Variants in LIFR observed in about 807,000 individuals in gnomAD.
LIFR encodes leukemia inhibitory factor receptor.
A neutral mutation model predicts 122.2 loss-of-function variants in LIFR; 84 were observed. The observed-to-expected ratio is 0.69, with a 90% confidence interval of 0.58 to 0.82. The LOEUF is 0.82. LIFR is among the 40% of genes least tolerant of loss of function. The probability of loss-of-function intolerance (pLI) is 0.00; values close to 1 mark genes in which losing one functional copy is unlikely to be tolerated. For missense variants in LIFR, 1,294 were observed against 1,311.6 expected (o/e 0.99, Z 0.21); for synonymous variants, 422 against 434.7 (o/e 0.97, Z 0.36).
At chr5:38,537,994 T>C (rs1407001263) in intron 1 of LIFR, among the ~76,000 whole-genome samples, 2 of 152,210 alleles carry the variant, frequency 1.3e-5, no homozygotes, top group Non-Finnish European at 1.5e-5. Context: ...GTTTTTCTCA[T>C]GCCGGGACTA....
intron 1 of LIFR, among the ~76,000 whole-genome samples, chr5:38,566,489 A>G (rs1247214455): frequency 6.6e-6 from 1 of 152,206 alleles, no homozygotes; most frequent in Non-Finnish European, 1.5e-5. Context: ...TTTTGTATTA[A>G]TATCTCTATA....
chr5:38,578,207 C>CTTTTTTTTTTTT (rs3079294), intron 1 of LIFR, among the ~76,000 whole-genome samples: 1 of 123,458 alleles, frequency 8.1e-6, no homozygotes, highest in Non-Finnish European at 1.6e-5. Context: ...TTTTCTTTTT[C>CTTTTTTTTTTTT]TTTTTTTTTT....
At chr5:38,608,297 C>G (rs534450323) in exon 1 of LIFR, 3 of 152,106 alleles carry the variant, frequency 2.0e-5, no homozygotes, top group Admixed American at 2.0e-4. Flanking sequence ...TTATTTTCTT[C>G]TATTTGCTTT....
intron 1 of LIFR, among the ~76,000 whole-genome samples, chr5:38,574,990 A>G (rs1225340651): frequency 6.6e-6 from 1 of 152,214 alleles, no homozygotes; most frequent in Non-Finnish European, 1.5e-5. Context: ...ACCAAAAGGC[A>G]TGCACTGAAA....
At chr5:38,497,918 T>C (rs892869595) in intron 12 of LIFR, among the ~76,000 whole-genome samples, 1 of 152,208 alleles carries the variant, frequency 6.6e-6, no homozygotes, top group Admixed American at 6.5e-5. Context: ...AAAACAAATA[T>C]TTTGGTGAAC....
intron 18 of LIFR, among the ~76,000 whole-genome samples, chr5:38,484,132 TG>T (rs1434104194): frequency 6.6e-6 from 1 of 152,356 alleles, no homozygotes; most frequent in East Asian, 1.9e-4. Context: ...CCTTACCCTT[TG>T]GAACTGTACC....
At chr5:38,517,969 A>C (rs543904269) in intron 5 of LIFR, among the ~76,000 whole-genome samples, 3 of 150,300 alleles carry the variant, frequency 2.0e-5, no homozygotes, top group South Asian at 4.2e-4. Context: ...ACAAAAAAAA[A>C]CAGCTGGGCA....
chr5:38,581,686 A>G (rs1364320268), intron 1 of LIFR, among the ~76,000 whole-genome samples: 2 of 152,214 alleles, frequency 1.3e-5, no homozygotes, highest in Admixed American at 6.5e-5. Context: ...GAGAAGAGTA[A>G]TACTGGAATG....
chr5:38,605,018 A>G (rs1478079375), intron 2 of LIFR, among the ~76,000 whole-genome samples: 1 of 152,134 alleles, frequency 6.6e-6, no homozygotes, highest in African/African-American at 2.4e-5. Flanking sequence ...GGGTTATGAT[A>G]AGGGGTTGTG....
At chr5:38,556,748 A>G (rs940729904), upstream of LIFR, 1 of 115,722 alleles carries the variant, frequency 8.6e-6, no homozygotes, top group African/African-American at 3.2e-5. Flanking sequence ...CCCCGCCCCA[A>G]CCCGCGCGCC....
rs1743688161 is a variant in LIFR, at chr5:38,475,604, TACTC to T, written c.*5987_*5990del. ...AAAACTTAAAATATTTAACATATAA[TACTC>T]ACTTTAAAAAAACATTCATTCTACA... On this transcript the variant is annotated 3_prime_UTR_variant, in exon 20 of 20. Coordinates refer to ENST00000453190, the MANE Select transcript of LIFR (RefSeq NM_001127671.2). 2 of 186,456 alleles carry T rather than the reference TACTC, an allele frequency of 1.1e-5. No individual in the cohort carries two copies. The highest frequency in any genetic ancestry group is 4.7e-5 in the African/African-American group (2 of 42,744). The allele number at this position is 186,456 out of a possible 1,614,324, so 11.6% of individuals were successfully genotyped here.
intron 1 of LIFR, among the ~76,000 whole-genome samples, chr5:38,553,650 A>AT (rs1554027620): frequency 4.0e-5 from 4 of 100,198 alleles, no homozygotes; most frequent in Admixed American, 9.8e-5. Flanking sequence ...ATATATATAT[A>AT]TATATATATA....
At chr5:38,588,704 T>A (rs951957168) in intron 1 of LIFR, among the ~76,000 whole-genome samples, 1 of 152,206 alleles carries the variant, frequency 6.6e-6, no homozygotes, top group Non-Finnish European at 1.5e-5. Context: ...TATGGATTAA[T>A]CAAGCACATC....
At chr5:38,606,924 A>G (rs1750341336) in intron 1 of LIFR, among the ~76,000 whole-genome samples, 1 of 152,204 alleles carries the variant, frequency 6.6e-6, no homozygotes, top group Non-Finnish European at 1.5e-5. Flanking sequence ...TGTGTTCAGA[A>G]TTAATTAGTA....
At chr5:38,507,995 C>T (rs536266902) in intron 7 of LIFR, among the ~76,000 whole-genome samples, 53 of 152,136 alleles carry the variant, frequency 3.5e-4, no homozygotes, top group African/African-American at 1.3e-3. Flanking sequence ...AATATTCAGT[C>T]ACTCTATTAA....
In LIFR at chr5:38,479,359, G is replaced by A. The variant is rs1032065943; in HGVS notation, c.*2236C>T. 1 of 230,764 alleles carries A rather than the reference G, an allele frequency of 4.3e-6. No individual in the cohort carries two copies. Among genetic ancestry groups the A allele is most frequent in the East Asian group, 6.1e-5 (1 of 16,292 alleles). 14.3% of individuals were successfully genotyped at this position (230,764 alleles called of 1,614,324 possible). On this transcript the variant is annotated 3_prime_UTR_variant, in exon 20 of 20. Transcript: ENST00000453190. ...GTAGGGGAAAGGTGAGTGATATTCT[G>A]CACTTTTTTCATACAGAAAAAAACA...
intron 1 of LIFR, chr5:38,579,712 A>C (rs1749521200): frequency 6.6e-6 from 1 of 152,234 alleles, no homozygotes; most frequent in Admixed American, 6.5e-5. Context: ...AAAATACTGC[A>C]ACACTTTCTT....
intron 1 of LIFR, among the ~76,000 whole-genome samples, chr5:38,580,128 T>C (rs1204498484): frequency 6.6e-6 from 1 of 152,240 alleles, no homozygotes; most frequent in Non-Finnish European, 1.5e-5. Flanking sequence ...AAGTACTTAA[T>C]TCTATGAGAG....
intron 18 of LIFR, among the ~76,000 whole-genome samples, chr5:38,484,237 C>T (rs1291891789): frequency 6.6e-6 from 1 of 152,152 alleles, no homozygotes; most frequent in Non-Finnish European, 1.5e-5. Context: ...TTCCTAGCAC[C>T]CACTCACACT....
Sources: allele counts gnomAD v4.1 joint callset (sites outside exome capture counted in the v4.1 genomes callset), GRCh38; gene constraint gnomAD v4.1.1; transcripts MANE v1.5; gene names NCBI Gene and HGNC (gene_info 2026-07-23, HGNC 2026-07-21).